Variants in NOS1 observed in about 807,000 individuals in gnomAD.
The protein encoded by NOS1 is NOS type I.
A neutral mutation model predicts 164.5 loss-of-function variants in NOS1; 51 were observed. That is an observed-to-expected ratio of 0.31 (90% confidence interval 0.25 to 0.39). NOS1 has a LOEUF of 0.39. NOS1 is among the 10% of genes least tolerant of loss of function. The pLI, the probability that NOS1 is intolerant of heterozygous loss-of-function variation, is 1.00. For missense variants in NOS1, 1,362 were observed against 1,885.6 expected (o/e 0.72, Z 5.14); for synonymous variants, 719 against 745.8 (o/e 0.96, Z 0.59).
At chr12:117,351,799 G>C (rs1190698237) in intron 1 of NOS1, among the ~76,000 whole-genome samples, 2 of 152,248 alleles carry the variant, frequency 1.3e-5, no homozygotes, top group African/African-American at 4.8e-5. Context: ...AGGTTACAGA[G>C]TGAATAAATG....
At chr12:117,346,331 C>T (rs34401373) in intron 1 of NOS1, among the ~76,000 whole-genome samples, 6,165 of 152,106 alleles carry the variant, frequency 0.041, 148 homozygotes, top group East Asian at 0.11. Flanking sequence ...ATTAGCCAGG[C>T]GTGGTGGCAC....
intron 20 of NOS1, among the ~76,000 whole-genome samples, chr12:117,236,165 C>T (rs1016076356): frequency 1.3e-5 from 2 of 152,198 alleles, no homozygotes; most frequent in Non-Finnish European, 2.9e-5. Flanking sequence ...ATCCTTTGCA[C>T]CCTTTGAGCT....
intron 4 of NOS1, among the ~76,000 whole-genome samples, chr12:117,288,979 A>G (rs1231319790): frequency 6.6e-6 from 1 of 152,166 alleles, no homozygotes. Context: ...GACCAGATCA[A>G]TCACTGATCT....
At chr12:117,252,362 T>C (rs1456292463) in intron 17 of NOS1, among the ~76,000 whole-genome samples, 1 of 152,122 alleles carries the variant, frequency 6.6e-6, no homozygotes, top group East Asian at 1.9e-4. Context: ...TTGTAAAAAA[T>C]ATGCAGTGAC....
chr12:117,327,328 G>A (rs759151650), intron 2 of NOS1, among the ~76,000 whole-genome samples: 1 of 152,178 alleles, frequency 6.6e-6, no homozygotes, highest in East Asian at 1.9e-4. Flanking sequence ...GCAGCCTTTC[G>A]GGAGGGACAC....
chr12:117,332,563 TTTA>T (rs1376570557), intron 1 of NOS1, among the ~76,000 whole-genome samples: 1 of 151,470 alleles, frequency 6.6e-6, no homozygotes, highest in Non-Finnish European at 1.5e-5. Flanking sequence ...CCTTTCTCTA[TTTA>T]TTTAAAAAAA....
chr12:117,235,661 T>C (rs1869646791), intron 20 of NOS1, among the ~76,000 whole-genome samples: 1 of 152,206 alleles, frequency 6.6e-6, no homozygotes, highest in African/African-American at 2.4e-5. Flanking sequence ...CTGCATTGAT[T>C]TTTGTGTTTC....
At chr12:117,240,593 G>A (rs1015369055) in intron 20 of NOS1, among the ~76,000 whole-genome samples, 2 of 152,344 alleles carry the variant, frequency 1.3e-5, no homozygotes, top group African/African-American at 4.8e-5. Context: ...TTTTCTAGCT[G>A]TCATTGTTCC....
At position 117,330,713 on chromosome 12, in the gene NOS1, G is replaced by A. The variant is rs1357901577; in HGVS notation, c.357C>T (p.Thr119=). The A allele has an allele frequency of 6.2e-7, 1 of 1,613,822 alleles. No homozygotes were observed. Among genetic ancestry groups the A allele is most frequent in the Non-Finnish European group, 8.5e-7 (1 of 1,179,896 alleles). ...GACCCAGGGGCTGTGTCACCCGGAT[G>A]GTCTTGGGGGTCCCATCACCTGTAA... ...TTFTGDGTPK[T]IRVTQPLGPP... The change falls in exon 2 of 29, where the codon ACC becomes ACT. Residue 119 remains threonine (T), a synonymous_variant. Transcript: ENST00000317775. The surrounding 1 kb of genome is among the most constrained non-coding windows in gnomAD (Gnocchi z 4.6).
At chr12:117,308,960 A>G (rs1874297231) in intron 3 of NOS1, among the ~76,000 whole-genome samples, 1 of 152,206 alleles carries the variant, frequency 6.6e-6, no homozygotes, top group Admixed American at 6.5e-5. Context: ...AACATTGGCA[A>G]TACATTTAAA....
Position 117,243,975 on chromosome 12 carries a change from G to A in NOS1, c.2824-540C>T, listed in dbSNP as rs930217187. 7.9e-5 allele frequency among the ~76,000 whole-genome samples: 12 copies of A among 152,194 alleles called. No individual in the cohort carries two copies. The highest frequency in any genetic ancestry group is 1.9e-4 in the East Asian group (1 of 5,184). On this transcript the variant is annotated intron_variant, in intron 18 of 28. Coordinates refer to ENST00000317775, the MANE Select transcript of NOS1 (RefSeq NM_000620.5). The surrounding 1 kb of genome is among the most constrained non-coding windows in gnomAD (Gnocchi z 4.3). ...GTGTCTGCGATGTGCTGGACACGTC[G>A]GATTTGACATTGACTTTAGGACCTA...
chr12:117,308,206 T>C (rs1301305706), intron 3 of NOS1, among the ~76,000 whole-genome samples: 1 of 151,452 alleles, frequency 6.6e-6, no homozygotes, highest in East Asian at 2.0e-4. Flanking sequence ...TCTATGCAGA[T>C]TGTTGCCCCA....
At chr12:117,321,415 G>C (rs971779771) in intron 2 of NOS1, among the ~76,000 whole-genome samples, 1 of 152,178 alleles carries the variant, frequency 6.6e-6, no homozygotes, top group African/African-American at 2.4e-5. Flanking sequence ...GGATGCTCAT[G>C]GAACATTCAT....
chr12:117,289,868 GA>G (rs1458463874), intron 4 of NOS1, among the ~76,000 whole-genome samples: 1 of 152,186 alleles, frequency 6.6e-6, no homozygotes, highest in African/African-American at 2.4e-5. Flanking sequence ...AAAGGGAAAG[GA>G]ATATGCTTAT....
intron 26 of NOS1, among the ~76,000 whole-genome samples, chr12:117,222,105 T>C (rs1461012669): frequency 2.0e-5 from 3 of 152,162 alleles, no homozygotes; most frequent in Non-Finnish European, 4.4e-5. Flanking sequence ...TTACGTCAGA[T>C]GGAAACCCCA....
intron 2 of NOS1, among the ~76,000 whole-genome samples, chr12:117,321,113 G>A (rs1353840862): frequency 2.6e-5 from 4 of 152,168 alleles, no homozygotes; most frequent in Non-Finnish European, 5.9e-5. Context: ...GAGTTCAAGC[G>A]ATTCTCCTGC....
At position 117,209,797 on chromosome 12, in the gene NOS1, G is replaced by A; in HGVS notation, c.*5512C>T. ...TTTGGGGCCCCTTTGCCACAAGGCA[G>A]GGACTGGCAGTGGGCCAAGGATAGG... On this transcript the variant is annotated 3_prime_UTR_variant, in exon 29 of 29. Transcript: ENST00000317775. 1.0e-6 allele frequency: 1 copy of A among 985,492 alleles called. No individual in the cohort carries two copies. The highest frequency in any genetic ancestry group is 1.2e-6 in the Non-Finnish European group (1 of 829,960). The allele number at this position is 985,492 out of a possible 1,614,324, so 61.0% of individuals were successfully genotyped here.
At chr12:117,253,794 G>T in intron 16 of NOS1, 40 bp from the exon 17 acceptor site, 1 of 1,422,430 alleles carries the variant, frequency 7.0e-7, no homozygotes, top group South Asian at 1.1e-5. Flanking sequence ...CTGGCCTGGA[G>T]CTCCCTCCTG....
At chr12:117,252,125 CA>C (rs1332800416) in intron 17 of NOS1, among the ~76,000 whole-genome samples, 3 of 152,034 alleles carry the variant, frequency 2.0e-5, no homozygotes, top group African/African-American at 7.3e-5. Flanking sequence ...TAGGTACTTA[CA>C]AAACAAGAAA....
Sources: gnomAD v4.1 joint callset for allele counts (sites outside exome capture counted in the v4.1 genomes callset) on GRCh38, gnomAD v4.1.1 for gene constraint, Gnocchi (gnomAD v3.1) non-coding constraint, MANE v1.5 for transcripts, NCBI Gene and HGNC (gene_info 2026-07-23, HGNC 2026-07-21) for gene names.